The following ATOH7 variants were observed in gnomAD, a reference collection of about 807,000 sequenced individuals.
ATOH7 encodes atonal bHLH transcription factor 7.
In ATOH7, 11 loss-of-function variants were observed where a neutral mutation model predicts 11.0. That is an observed-to-expected ratio of 1.00 (90% confidence interval 0.63 to 1.66). ATOH7 has a LOEUF of 1.66. ATOH7 is among the 40% of genes most tolerant of loss of function. ATOH7 has a pLI of 0.00. For synonymous variants in ATOH7, 98 were observed against 98.3 expected, an observed-to-expected ratio of 1.00 and a Z score of 0.02; for missense variants, 232 against 219.2, an observed-to-expected ratio of 1.06 and a Z score of -0.37.
chr10:68,230,951 AG>A lies in ATOH7; in HGVS notation c.*267del, dbSNP rs1331202704. 8.5e-5 allele frequency: 34 copies of A among 397,746 alleles called. No individual in the cohort carries two copies. In the East Asian group the frequency reaches 1.2e-3, roughly 15 times the overall value. 24.6% of individuals were successfully genotyped at this position (397,746 alleles called of 1,614,324 possible). On this transcript the variant is annotated 3_prime_UTR_variant, in exon 1 of 1. Transcript: ENST00000373673. The stretch of plus-strand genomic sequence containing the variant: ...CTCAAAGTAGCCCAGAAAAGGGGAA[AG>A]GGGGCATTATTTTCACAGCAATCAA...
Position 68,231,135 on chromosome 10 carries a change from G to A in ATOH7, c.*84C>T. 7.7e-7 allele frequency: 1 copy of A among 1,296,206 alleles called. No individual in the cohort carries two copies. Among genetic ancestry groups the A allele is most frequent in the Non-Finnish European group, 1.0e-6 (1 of 989,084 alleles). The allele number at this position is 1,296,206 out of a possible 1,614,324, so 80.3% of individuals were successfully genotyped here. A position where few individuals can be genotyped will look rare whatever the true frequency, so the allele number is the denominator to read the frequency against. Reference sequence around the variant, plus strand: ...GAGGATTGCATCCTTAGAATCCTGGGCCGCCGGAGGCTTCTGGGCTACTTG... The same window carrying A: ...GAGGATTGCATCCTTAGAATCCTGGACCGCCGGAGGCTTCTGGGCTACTTG... On this transcript the variant is annotated 3_prime_UTR_variant, in exon 1 of 1. Transcript: ENST00000373673.
chr10:68,231,291 C>T lies in ATOH7; in HGVS notation c.387G>A (p.Leu129=). 1.2e-6 allele frequency: 2 copies of T among 1,610,448 alleles called. No individual in the cohort carries two copies. The highest frequency in any genetic ancestry group is 1.7e-6 in the Non-Finnish European group (2 of 1,178,908). ...GGCTGTACAGCTCGCTCTCGCCCGG[C>T]AGCTTCGCGCCCGGGAACGGGAGGT... ...DHYLPFPGAK[L]PGESELYSQR... The change falls in exon 1 of 1, where the codon CTG becomes CTA. Residue 129 remains leucine (L), a synonymous_variant. Transcript: ENST00000373673.
rs1589630685 is a variant in ATOH7, at chr10:68,231,577, C to A, written c.101G>T (p.Arg34Leu). 8.3e-7 allele frequency: 1 copy of A among 1,202,310 alleles called. No individual in the cohort carries two copies. The highest frequency in any genetic ancestry group is 1.0e-6 in the Non-Finnish European group (1 of 963,878). 74.5% of individuals were successfully genotyped at this position (1,202,310 alleles called of 1,614,324 possible). Residue 34 changes from arginine to leucine, a missense_variant, in exon 1 of 1, where the codon CGG (arginine) becomes CTG (leucine). By Grantham distance (102) the Arg-to-Leu change is moderately radical. Coordinates refer to ENST00000373673, the MANE Select transcript of ATOH7 (RefSeq NM_145178.4). ...GCGCCTGCGCGCCGCGCTCTCCAGC[C>A]GCCCGGCCCCGGCGCACGTGCCCGC... Reference protein sequence around the residue: ...ECAGTCAGAGRLESAARRRLA... With the variant: ...ECAGTCAGAGLLESAARRRLA...
Position 68,231,436 on chromosome 10 carries a change from G to A in ATOH7, c.242C>T (p.Thr81Ile). Reference protein sequence around the residue: ...GQDKKLSKYETLQMALSYIMA... With the variant: ...GQDKKLSKYEILQMALSYIMA... ...GATGTAGCTCAGGGCCATCTGCAGG[G>A]TCTCGTACTTGGACAGCTTTTTATC... Residue 81 changes from threonine to isoleucine, a missense_variant, in exon 1 of 1, where the codon ACC becomes ATC. Coordinates refer to ENST00000373673, the MANE Select transcript of ATOH7 (RefSeq NM_145178.4). 6.2e-7 allele frequency: 1 copy of A among 1,613,046 alleles called. No individual in the cohort carries two copies. Among genetic ancestry groups the A allele is most frequent in the Non-Finnish European group, 8.5e-7 (1 of 1,179,596 alleles).
In ATOH7 at chr10:68,231,049, A is replaced by G. The variant is rs913837209; in HGVS notation, c.*170T>C. Reference sequence around the variant, plus strand: ...AGGGGAAAAGAAAGGCAATTAAATGATTGCGTCCATAGGTCTGATGATGCG... The same window carrying G: ...AGGGGAAAAGAAAGGCAATTAAATGGTTGCGTCCATAGGTCTGATGATGCG... On this transcript the variant is annotated 3_prime_UTR_variant, in exon 1 of 1. Transcript: ENST00000373673. 1.8e-5 allele frequency: 10 copies of G among 559,390 alleles called. No individual in the cohort carries two copies. The African/African-American group carries it at 2.0e-4, about 11-fold the overall frequency. 34.7% of individuals were successfully genotyped at this position (559,390 alleles called of 1,614,324 possible).
chr10:68,231,258 G>T lies in ATOH7; in HGVS notation c.420C>A (p.Leu140=). 6.3e-7 allele frequency: 1 copy of T among 1,581,306 alleles called. No homozygotes were observed. Among genetic ancestry groups the T allele is most frequent in the Non-Finnish European group, 8.6e-7 (1 of 1,163,518 alleles). Residue 140 remains leucine (L), a synonymous_variant, in exon 1 of 1, where the codon CTC becomes CTA. Coordinates refer to ENST00000373673, the MANE Select transcript of ATOH7 (RefSeq NM_145178.4). ...GGAAGGGCTCGGGCTGGAAGCCGAA[G>T]AGTCTCTGGCTGTACAGCTCGCTCT... ...PGESELYSQR[L]FGFQPEPFQM... is the part of the protein sequence containing the mutation.
chr10:68,230,868 A>C lies in ATOH7; in HGVS notation c.*351T>G. On this transcript the variant is annotated 3_prime_UTR_variant, in exon 1 of 1. Coordinates refer to ENST00000373673, the MANE Select transcript of ATOH7 (RefSeq NM_145178.4). ...ACTCACAAAGTTTAAGAAAGTGATT[A>C]TTTCTCTGAGGACTGGAACAGAATA... 1 of 219,936 alleles carries C rather than the reference A, an allele frequency of 4.5e-6. No individual in the cohort carries two copies. The highest frequency in any genetic ancestry group is 8.9e-6 in the Non-Finnish European group (1 of 112,600). 13.6% of individuals were successfully genotyped at this position (219,936 alleles called of 1,614,324 possible).
Position 68,231,441 on chromosome 10 carries a change from G to C in ATOH7, c.237C>G (p.Tyr79Ter), listed in dbSNP as rs2044026079. Residue 79 changes from tyrosine to a stop codon, truncating the protein, a stop_gained, in exon 1 of 1, where the codon TAC (tyrosine) becomes TAG (stop). Coordinates refer to ENST00000373673, the MANE Select transcript of ATOH7 (RefSeq NM_145178.4). LOFTEE classifies it high-confidence loss of function. ...QWGQDKKLSK[Y>*]ETLQMALSYI... Reference sequence around the variant, plus strand: ...AGCTCAGGGCCATCTGCAGGGTCTCGTACTTGGACAGCTTTTTATCCTGGC... The same window carrying C: ...AGCTCAGGGCCATCTGCAGGGTCTCCTACTTGGACAGCTTTTTATCCTGGC... 6.2e-7 allele frequency: 1 copy of C among 1,611,876 alleles called. No homozygotes were observed. Among genetic ancestry groups the C allele is most frequent in the Non-Finnish European group, 8.5e-7 (1 of 1,179,062 alleles).
At position 68,231,532 on chromosome 10, in the gene ATOH7, T is replaced by TCG. The variant is rs773116389; in HGVS notation, c.144_145dup (p.Glu49AlafsTer39). ...GTTGAGCCCCTGCATGCGGCGGCGC[T>TCG]CGCGCGCGTTGGCCGCCAGGCGCCT... On this transcript the variant is annotated frameshift_variant, in exon 1 of 1. Coordinates refer to ENST00000373673, the MANE Select transcript of ATOH7 (RefSeq NM_145178.4). LOFTEE classifies it high-confidence loss of function. The TCG allele has an allele frequency of 1.1e-5, 15 of 1,340,274 alleles. No homozygotes were observed. The highest frequency in any genetic ancestry group is 1.4e-5 in the Non-Finnish European group (15 of 1,035,628). 83.0% of individuals were successfully genotyped at this position (1,340,274 alleles called of 1,614,324 possible).
chr10:68,231,780 C>G lies in ATOH7; in HGVS notation c.-103G>C. 1.4e-6 allele frequency: 1 copy of G among 739,718 alleles called. No homozygotes were observed. Among genetic ancestry groups the G allele is most frequent in the Non-Finnish European group, 1.7e-6 (1 of 580,868 alleles). The allele number at this position is 739,718 out of a possible 1,614,324, so 45.8% of individuals were successfully genotyped here. ...CGCTTCCCAACGTGCCTCTTCTGAG[C>G]AAATAAGTCATAAACAAAGCAACTC... On this transcript the variant is annotated 5_prime_UTR_variant, in exon 1 of 1. Coordinates refer to ENST00000373673, the MANE Select transcript of ATOH7 (RefSeq NM_145178.4).
In ATOH7 at chr10:68,231,524, G is replaced by A. The variant is rs774558993; in HGVS notation, c.154C>T (p.Arg52Cys). Residue 52 changes from arginine (R) to cysteine (C), a missense_variant, in exon 1 of 1, where the codon CGC becomes TGC. Coordinates refer to ENST00000373673, the MANE Select transcript of ATOH7 (RefSeq NM_145178.4). ...RLAANARERRRMQGLNTAFDR... is the reference protein window; with the variant it reads ...RLAANARERRCMQGLNTAFDR... ...AAGGCAGTGTTGAGCCCCTGCATGC[G>A]GCGGCGCTCGCGCGCGTTGGCCGCC... 2.2e-6 allele frequency: 3 copies of A among 1,356,972 alleles called. No homozygotes were observed. Among genetic ancestry groups the A allele is most frequent in the Non-Finnish European group, 2.9e-6 (3 of 1,043,070 alleles). The allele number at this position is 1,356,972 out of a possible 1,614,324, so 84.1% of individuals were successfully genotyped here.
rs2044023416 is a variant in ATOH7, at chr10:68,231,079, A to C, written c.*140T>G. The C allele has an allele frequency of 3.6e-6, 3 of 823,698 alleles. No homozygotes were observed. In the Admixed American group the frequency reaches 1.1e-4, roughly 29 times the overall value. The allele number at this position is 823,698 out of a possible 1,614,324, so 51.0% of individuals were successfully genotyped here. On this transcript the variant is annotated 3_prime_UTR_variant, in exon 1 of 1. Coordinates refer to ENST00000373673, the MANE Select transcript of ATOH7 (RefSeq NM_145178.4). ...GTCCATAGGTCTGATGATGCGAATA[A>C]AGGTAATCTGAGAATCGACTAATTT...
At position 68,231,096 on chromosome 10, in the gene ATOH7, G is replaced by T; in HGVS notation, c.*123C>A. On this transcript the variant is annotated 3_prime_UTR_variant, in exon 1 of 1. Transcript: ENST00000373673. ...TGCGAATAAAGGTAATCTGAGAATC[G>T]ACTAATTTTCCTCGAGGATTGCATC... The T allele has an allele frequency of 1.0e-6, 1 of 982,594 alleles. No individual in the cohort carries two copies. The highest frequency in any genetic ancestry group is 1.9e-5 in the South Asian group (1 of 52,526). The allele number at this position is 982,594 out of a possible 1,614,324, so 60.9% of individuals were successfully genotyped here.
Position 68,231,750 on chromosome 10 carries a change from C to G in ATOH7, c.-73G>C. The G allele has an allele frequency of 2.0e-6, 2 of 1,006,396 alleles. No homozygotes were observed. The highest frequency in any genetic ancestry group is 2.5e-6 in the Non-Finnish European group (2 of 812,754). The allele number at this position is 1,006,396 out of a possible 1,614,324, so 62.3% of individuals were successfully genotyped here. A position where few individuals can be genotyped will look rare whatever the true frequency, so the allele number is the denominator to read the frequency against. On this transcript the variant is annotated 5_prime_UTR_variant, in exon 1 of 1. Coordinates refer to ENST00000373673, the MANE Select transcript of ATOH7 (RefSeq NM_145178.4). ...AGGACCTGCGCGTGGGCTGGTCTCT[C>G]GAGCCGCTTCCCAACGTGCCTCTTC...
Position 68,231,184 on chromosome 10 carries a change from G to T in ATOH7, c.*35C>A. ...TGGGGCAGGGCCGAGGCTCGGAGCG[G>T]CTGCCGGACACCCACCCCCGCGGAG... On this transcript the variant is annotated 3_prime_UTR_variant, in exon 1 of 1. Transcript: ENST00000373673. 6.8e-7 allele frequency: 1 copy of T among 1,460,890 alleles called. No homozygotes were observed. The highest frequency in any genetic ancestry group is 9.0e-7 in the Non-Finnish European group (1 of 1,109,094). 90.5% of individuals were successfully genotyped at this position (1,460,890 alleles called of 1,614,324 possible). A position where few individuals can be genotyped will look rare whatever the true frequency, so the allele number is the denominator to read the frequency against.
In ATOH7 at chr10:68,231,120, T is replaced by C; in HGVS notation, c.*99A>G. 8.4e-7 allele frequency: 1 copy of C among 1,197,188 alleles called. No individual in the cohort carries two copies. Among genetic ancestry groups the C allele is most frequent in the South Asian group, 1.7e-5 (1 of 57,940 alleles). The allele number at this position is 1,197,188 out of a possible 1,614,324, so 74.2% of individuals were successfully genotyped here. A position where few individuals can be genotyped will look rare whatever the true frequency, so the allele number is the denominator to read the frequency against. Reference sequence around the variant, plus strand: ...CGACTAATTTTCCTCGAGGATTGCATCCTTAGAATCCTGGGCCGCCGGAGG... The same window carrying C: ...CGACTAATTTTCCTCGAGGATTGCACCCTTAGAATCCTGGGCCGCCGGAGG... On this transcript the variant is annotated 3_prime_UTR_variant, in exon 1 of 1. Transcript: ENST00000373673.
chr10:68,231,788 T>C lies in ATOH7; in HGVS notation c.-111A>G, dbSNP rs2044029459. On this transcript the variant is annotated 5_prime_UTR_variant, in exon 1 of 1. Coordinates refer to ENST00000373673, the MANE Select transcript of ATOH7 (RefSeq NM_145178.4). Reference sequence around the variant, plus strand: ...AACGTGCCTCTTCTGAGCAAATAAGTCATAAACAAAGCAACTCACGTGCAA... The same window carrying C: ...AACGTGCCTCTTCTGAGCAAATAAGCCATAAACAAAGCAACTCACGTGCAA... 2 of 702,578 alleles carry C rather than the reference T, an allele frequency of 2.8e-6. No individual in the cohort carries two copies. Among genetic ancestry groups the C allele is most frequent in the East Asian group, 1.7e-4 (2 of 11,656 alleles). The allele number at this position is 702,578 out of a possible 1,614,324, so 43.5% of individuals were successfully genotyped here. A position where few individuals can be genotyped will look rare whatever the true frequency, so the allele number is the denominator to read the frequency against.
rs2044026737 is a variant in ATOH7, at chr10:68,231,497, C to G, written c.181G>C (p.Asp61His). 2 of 1,573,962 alleles carry G rather than the reference C, an allele frequency of 1.3e-6. No individual in the cohort carries two copies. The highest frequency in any genetic ancestry group is 1.7e-6 in the Non-Finnish European group (2 of 1,159,824). ...TGGGGAACCACCCTGCGTAAGCGGT[C>G]GAAGGCAGTGTTGAGCCCCTGCATG... ...RRMQGLNTAF[D>H]RLRRVVPQWG... Residue 61 changes from aspartate (D) to histidine (H), a missense_variant, in exon 1 of 1, where the codon GAC becomes CAC. Asp to His is a moderately conservative substitution (Grantham distance 81). Transcript: ENST00000373673.
chr10:68,231,072 G>T lies in ATOH7; in HGVS notation c.*147C>A. ...TGATTGCGTCCATAGGTCTGATGAT[G>T]CGAATAAAGGTAATCTGAGAATCGA... On this transcript the variant is annotated 3_prime_UTR_variant, in exon 1 of 1. Transcript: ENST00000373673. 2 of 756,340 alleles carry T rather than the reference G, an allele frequency of 2.6e-6. No individual in the cohort carries two copies. Among genetic ancestry groups the T allele is most frequent in the Non-Finnish European group, 3.9e-6 (2 of 508,342 alleles). 46.9% of individuals were successfully genotyped at this position (756,340 alleles called of 1,614,324 possible). A position where few individuals can be genotyped will look rare whatever the true frequency, so the allele number is the denominator to read the frequency against.
Sources: allele counts gnomAD v4.1 joint callset, GRCh38; gene constraint gnomAD v4.1.1; transcripts MANE v1.5; gene names NCBI Gene and HGNC (gene_info 2026-07-23, HGNC 2026-07-21).